Variants in HS6ST2 observed in about 807,000 individuals in gnomAD.
HS6ST2 encodes the protein heparan-sulfate 6-O-sulfotransferase 2.
Under a neutral mutation model 33.0 loss-of-function variants are expected in HS6ST2, and 17 were observed. The observed-to-expected ratio is 0.52, with a 90% CI of 0.35 to 0.77. The LOEUF is 0.77. Ranked by LOEUF, HS6ST2 falls within the 30% of genes least tolerant of loss-of-function variation. The pLI, the probability that HS6ST2 is intolerant of heterozygous loss-of-function variation, is 0.01. For missense variants in HS6ST2, 519 were observed against 551.7 expected, an observed-to-expected ratio of 0.94 and a Z score of 0.59; for synonymous variants, 248 against 237.1, an observed-to-expected ratio of 1.05 and a Z score of -0.42.
At position 132,892,238 on chromosome X, in the gene HS6ST2, A is replaced by G. The variant is rs780786619; in HGVS notation, c.947+64570T>C. 2.7e-5 allele frequency among the ~76,000 whole-genome samples: 3 copies of G among 112,243 alleles called. No individual in the cohort carries two copies. In the East Asian group the frequency reaches 8.4e-4, roughly 31 times the overall value. The stretch of plus-strand genomic sequence containing the variant: ...AAATTTTCAACAGTATTTTTGTTAA[A>G]AATGTCCAATCCGGTTATAAGATTC... On this transcript the variant is annotated intron_variant, in intron 2 of 4. Transcript: ENST00000370833.
At chrX:132,790,311 C>CT (rs755389666) in intron 2 of HS6ST2, among the ~76,000 whole-genome samples, 101 of 111,664 alleles carry the variant, frequency 9.0e-4, no homozygotes, top group Non-Finnish European at 1.5e-3. Flanking sequence ...ATGATAGCCT[C>CT]TTTTTTTTAG....
At chrX:132,825,049 C>A (rs1437695099) in intron 2 of HS6ST2, among the ~76,000 whole-genome samples, 1 of 112,027 alleles carries the variant, frequency 8.9e-6, no homozygotes, top group Non-Finnish European at 1.9e-5. Flanking sequence ...ATGGAGAAGG[C>A]CTTTGGCAAA....
intron 3 of HS6ST2, among the ~76,000 whole-genome samples, chrX:132,671,913 G>A (rs951445544): frequency 5.4e-5 from 6 of 111,408 alleles, no homozygotes; most frequent in Admixed American, 9.5e-5. Flanking sequence ...TTGGATCCTC[G>A]GAGCTTAATT....
intron 2 of HS6ST2, among the ~76,000 whole-genome samples, chrX:132,926,639 C>G (rs758276311): frequency 1.8e-5 from 2 of 112,534 alleles, no homozygotes; most frequent in South Asian, 7.4e-4. Flanking sequence ...AACTCCCAGT[C>G]TGGCTGAGCG....
intron 2 of HS6ST2, among the ~76,000 whole-genome samples, chrX:132,727,075 C>T (rs2064399614): frequency 9.1e-6 from 1 of 110,094 alleles, no homozygotes; most frequent in Non-Finnish European, 1.9e-5. Flanking sequence ...AATCAAAACC[C>T]CAATATGACT....
rs397975321 is a variant in HS6ST2 at position 132,908,991 on chromosome X, G to GAA, written c.947+47815_947+47816dup. On this transcript the variant is annotated intron_variant, in intron 2 of 4. Coordinates refer to ENST00000370833, the MANE Select transcript of HS6ST2 (RefSeq NM_001394073.1). ...GCCAGACCCATTGAAGAACTCCACT[G>GAA]AAAAAAAAAAAAAAAAAAAAAAACC... is the stretch of plus-strand genomic sequence containing the variant. Among the ~76,000 whole-genome samples, 63 of 40,763 alleles carry GAA rather than the reference G, an allele frequency of 1.5e-3. 1 individual carries two copies. The highest frequency in any genetic ancestry group is 3.3e-3 in the African/African-American group (35 of 10,710). 35.4% of individuals were successfully genotyped at this position (40,763 alleles called of 115,157 possible).
At chrX:132,909,960 G>A (rs1257090775) in intron 2 of HS6ST2, among the ~76,000 whole-genome samples, 1 of 110,478 alleles carries the variant, frequency 9.1e-6, no homozygotes, top group Admixed American at 9.7e-5. Flanking sequence ...CACTTAAATA[G>A]CTACAGAGGT....
At chrX:132,902,523 T>C (rs2066435078) in intron 2 of HS6ST2, among the ~76,000 whole-genome samples, 1 of 111,998 alleles carries the variant, frequency 8.9e-6, no homozygotes, top group African/African-American at 3.2e-5. Flanking sequence ...ATATATTTGT[T>C]ACCTGTGGCC....
chrX:132,891,564 T>C (rs1163402172), intron 2 of HS6ST2, among the ~76,000 whole-genome samples: 3 of 108,342 alleles, frequency 2.8e-5, no homozygotes, highest in Non-Finnish European at 3.8e-5. Context: ...GGCCCCAGAG[T>C]GTGATGTTCC....
At chrX:132,691,955 C>A (rs931470852) in intron 3 of HS6ST2, among the ~76,000 whole-genome samples, 1 of 112,034 alleles carries the variant, frequency 8.9e-6, no homozygotes, top group African/African-American at 3.2e-5. Flanking sequence ...CTGCAAGGCT[C>A]AAAAGCACTG....
intron 3 of HS6ST2, among the ~76,000 whole-genome samples, chrX:132,696,928 T>C (rs947834315): frequency 1.8e-5 from 2 of 112,026 alleles, no homozygotes; most frequent in Admixed American, 9.5e-5. Context: ...ACTGCACATA[T>C]TTCCCCATGG....
At chrX:132,781,423 G>A (rs768598087) in intron 2 of HS6ST2, among the ~76,000 whole-genome samples, 1 of 111,422 alleles carries the variant, frequency 9.0e-6, no homozygotes, top group South Asian at 3.9e-4. Flanking sequence ...GATGGTGAGG[G>A]GAGGGGAATA....
At chrX:132,671,319 G>T in intron 3 of HS6ST2, among the ~76,000 whole-genome samples, 1 of 111,584 alleles carries the variant, frequency 9.0e-6, no homozygotes, top group East Asian at 2.8e-4. Flanking sequence ...TGGGAAACTT[G>T]GCTGGAAGCA....
intron 2 of HS6ST2, among the ~76,000 whole-genome samples, chrX:132,902,502 C>T (rs1013231221): frequency 8.9e-6 from 1 of 111,828 alleles, no homozygotes; most frequent in African/African-American, 3.2e-5. Context: ...AGAATTGGTA[C>T]AGGAGATGAA....
intron 3 of HS6ST2, among the ~76,000 whole-genome samples, chrX:132,698,843 A>G (rs1244237570): frequency 8.9e-6 from 1 of 112,082 alleles, no homozygotes; most frequent in Non-Finnish European, 1.9e-5. Flanking sequence ...CCAGAATATA[A>G]GCTCCCTGAG....
At chrX:132,772,935 T>G in intron 2 of HS6ST2, among the ~76,000 whole-genome samples, 1 of 89,711 alleles carries the variant, frequency 1.1e-5, no homozygotes, top group East Asian at 3.2e-4. Context: ...TCCAATTATA[T>G]TAATATATAA....
chrX:132,708,707 C>T (rs2064206491), intron 2 of HS6ST2: 1 of 343,503 alleles, frequency 2.9e-6, no homozygotes, highest in Admixed American at 4.7e-5. Flanking sequence ...AGGGGCAAGG[C>T]TGCACTGAGA....
At chrX:132,904,533 T>TTG (rs58820779) in intron 2 of HS6ST2, among the ~76,000 whole-genome samples, 43,591 of 94,133 alleles carry the variant, frequency 0.46, 9,049 homozygotes, top group African/African-American at 0.58. Flanking sequence ...TTTTTTCTCT[T>TTG]TGTGTGTGTG....
At chrX:132,629,955 C>T (rs1358151982) in intron 4 of HS6ST2, among the ~76,000 whole-genome samples, 2 of 112,577 alleles carry the variant, frequency 1.8e-5, no homozygotes, top group African/African-American at 6.5e-5. Context: ...AGTGTGGAGG[C>T]TTTGCTGTAT....
Sources: gnomAD v4.1 joint callset for allele counts (sites outside exome capture counted in the v4.1 genomes callset) on GRCh38, gnomAD v4.1.1 for gene constraint, MANE v1.5 for transcripts, NCBI Gene and HGNC (gene_info 2026-07-23, HGNC 2026-07-21) for gene names.